Variants in LARGE1 observed in about 807,000 individuals in gnomAD.
The protein encoded by LARGE1 is LARGE xylosyl- and glucuronyltransferase 1, also known as xylosyl- and glucuronyltransferase LARGE1.
A neutral mutation model predicts 87.6 loss-of-function variants in LARGE1; 43 were observed. That is an observed-to-expected ratio of 0.49 (90% CI 0.38 to 0.63). The LOEUF (loss-of-function observed/expected upper bound fraction) is 0.63. LARGE1 is among the 30% of genes least tolerant of loss of function. The pLI is 0.00. For missense variants in LARGE1, 802 were observed against 1,000.2 expected, an observed-to-expected ratio of 0.80 and a Z score of 2.67; for synonymous variants, 434 against 394.6, an observed-to-expected ratio of 1.10 and a Z score of -1.18.
intron 7 of LARGE1, among the ~76,000 whole-genome samples, chr22:33,419,790 G>A (rs372752106): frequency 1.0e-3 from 155 of 152,118 alleles, no homozygotes; most frequent in African/African-American, 3.5e-3. Flanking sequence ...TCCTGGGTCC[G>A]AGCGATTCTC....
chr22:33,521,854 C>T (rs1381980560), intron 6 of LARGE1, among the ~76,000 whole-genome samples: 4 of 152,188 alleles, frequency 2.6e-5, no homozygotes, highest in African/African-American at 9.6e-5. Flanking sequence ...TTTATTTTGG[C>T]TCATAGCTTT....
At chr22:33,118,347 C>T in the LARGE1 span, among the ~76,000 whole-genome samples, 2 of 150,608 alleles carry the variant, frequency 1.3e-5, no homozygotes, top group African/African-American at 2.4e-5. Context: ...AAAAAATTAG[C>T]TGGGCATGGT....
intron 2 of LARGE1, among the ~76,000 whole-genome samples, chr22:33,683,407 A>G (rs1005982779): frequency 7.2e-5 from 11 of 152,332 alleles, no homozygotes; most frequent in Non-Finnish European, 1.2e-4. Context: ...GACTGGAACT[A>G]TATCATTGGC....
intron 6 of LARGE1, among the ~76,000 whole-genome samples, chr22:33,527,580 T>C (rs2071975893): frequency 1.3e-5 from 2 of 152,150 alleles, no homozygotes; most frequent in Admixed American, 6.5e-5. Context: ...TCTTTCTCCT[T>C]GACATGCTCC....
chr22:33,381,810 T>G, intron 9 of LARGE1, 109 bp downstream of exon 9: 1 of 1,421,924 alleles, frequency 7.0e-7, no homozygotes, highest in Non-Finnish European at 9.9e-7. Context: ...TCCTGTGCCC[T>G]TATCTCTCTC....
chr22:33,789,544 C>G (rs913371781), intron 1 of LARGE1, among the ~76,000 whole-genome samples: 1 of 152,092 alleles, frequency 6.6e-6, no homozygotes, highest in Non-Finnish European at 1.5e-5. Flanking sequence ...CAGCTTGCAC[C>G]AAGCCTCAGG....
At chr22:33,179,235 A>G (rs1461142673) in intron 11 of LARGE1, among the ~76,000 whole-genome samples, 1 of 152,252 alleles carries the variant, frequency 6.6e-6, no homozygotes, top group Admixed American at 6.5e-5. Flanking sequence ...ACATGCAGCT[A>G]TGGGGGCAAA....
chr22:33,918,294 C>G (rs2065845033), intron 1 of LARGE1, among the ~76,000 whole-genome samples: 1 of 152,238 alleles, frequency 6.6e-6, no homozygotes, highest in Non-Finnish European at 1.5e-5. Context: ...TTGTCAGCAG[C>G]TACTGCTCAC....
intron 7 of LARGE1, among the ~76,000 whole-genome samples, chr22:33,402,041 C>A (rs1428282965): frequency 6.6e-6 from 1 of 152,144 alleles, no homozygotes; most frequent in Non-Finnish European, 1.5e-5. Context: ...TTGATGGGAT[C>A]CTGATTGTTA....
chr22:33,436,294 T>C (rs564757126), intron 6 of LARGE1, among the ~76,000 whole-genome samples: 1 of 152,350 alleles, frequency 6.6e-6, no homozygotes, highest in East Asian at 1.9e-4. Flanking sequence ...ACTGTACATA[T>C]GATAGTCACT....
chr22:33,287,025 T>C (rs1206593746), intron 12 of LARGE1, among the ~76,000 whole-genome samples: 1 of 152,086 alleles, frequency 6.6e-6, no homozygotes, highest in Non-Finnish European at 1.5e-5. Flanking sequence ...TGAATAGAAA[T>C]AGAGACTGGG....
intron 1 of LARGE1, among the ~76,000 whole-genome samples, chr22:33,867,707 A>G (rs2064148600): frequency 6.6e-6 from 1 of 152,192 alleles, no homozygotes; most frequent in Non-Finnish European, 1.5e-5. Context: ...TGGGCCTCAG[A>G]AAGTTATTTC....
chr22:33,342,792 G>C (rs1161876433), intron 9 of LARGE1, among the ~76,000 whole-genome samples: 1 of 152,116 alleles, frequency 6.6e-6, no homozygotes. Context: ...GAAGGAAGAT[G>C]GGGGAGTGGA....
chr22:33,282,779 A>G (rs985092774), intron 13 of LARGE1, among the ~76,000 whole-genome samples: 2 of 152,204 alleles, frequency 1.3e-5, no homozygotes, highest in African/African-American at 4.8e-5. Context: ...ACAAATAAAA[A>G]GGAAAACTGC....
At chr22:33,472,610 C>T (rs1197124386) in intron 6 of LARGE1, among the ~76,000 whole-genome samples, 1 of 152,140 alleles carries the variant, frequency 6.6e-6, no homozygotes, top group African/African-American at 2.4e-5. Flanking sequence ...ACACAATAGT[C>T]CCTTGCCTCT....
intron 5 of LARGE1, among the ~76,000 whole-genome samples, chr22:33,567,434 G>A (rs891000205): frequency 3.9e-5 from 6 of 152,146 alleles, no homozygotes; most frequent in Admixed American, 2.0e-4. Context: ...GGTGCTTCCA[G>A]ATGAAGGTAA....
At chr22:33,686,010 T>TC (rs2081932387) in intron 2 of LARGE1, among the ~76,000 whole-genome samples, 1 of 152,166 alleles carries the variant, frequency 6.6e-6, no homozygotes, top group South Asian at 2.1e-4. Flanking sequence ...GATGAATTCA[T>TC]TTATGGTAGT....
chr22:33,600,515 T>C (rs1322317317), intron 5 of LARGE1, among the ~76,000 whole-genome samples: 1 of 152,166 alleles, frequency 6.6e-6, no homozygotes, highest in Non-Finnish European at 1.5e-5. Context: ...TATGAAATGA[T>C]AAAGACAGGG....
At chr22:33,432,825 T>C (rs1006651494) in intron 6 of LARGE1, among the ~76,000 whole-genome samples, 3 of 152,160 alleles carry the variant, frequency 2.0e-5, no homozygotes, top group African/African-American at 4.8e-5. Context: ...TCTTACAGGG[T>C]TTTTGTTCTC....
Sources: allele counts gnomAD v4.1 joint callset (sites outside exome capture counted in the v4.1 genomes callset), GRCh38; gene constraint gnomAD v4.1.1; transcripts MANE v1.5; gene names NCBI Gene and HGNC (gene_info 2026-07-23, HGNC 2026-07-21).